The following CRISPLD2 variants were observed in gnomAD, a reference collection of about 807,000 sequenced individuals.
The protein encoded by CRISPLD2 is cysteine-rich secretory protein LCCL domain-containing 2.
CRISPLD2 carries 47 observed loss-of-function variants against 71.1 expected under a neutral mutation model. The observed-to-expected ratio is 0.66, with a 90% confidence interval of 0.52 to 0.84. The LOEUF (loss-of-function observed/expected upper bound fraction) is 0.84, where lower values mean the gene tolerates loss of function less well. CRISPLD2 is among the 40% of genes least tolerant of loss of function. CRISPLD2 has a pLI of 0.00. For missense variants in CRISPLD2, 830 were observed against 651.1 expected (o/e 1.27, Z -2.99); for synonymous variants, 317 against 250.1 (o/e 1.27, Z -2.52).
chr16:84,821,104 A>C (rs1175627638), intron 1 of CRISPLD2, among the ~76,000 whole-genome samples: 2 of 152,182 alleles, frequency 1.3e-5, no homozygotes, highest in African/African-American at 4.8e-5. Context: ...TTGCCTTGCA[A>C]CCGAGAGTGG....
At chr16:84,906,548 A>G (rs2143401371) in intron 14 of CRISPLD2, 40 bp from the exon 15 acceptor site, 1 of 1,597,544 alleles carries the variant, frequency 6.3e-7, no homozygotes. Flanking sequence ...GAGGCCCTCC[A>G]GATCTCTCAG....
intron 6 of CRISPLD2, among the ~76,000 whole-genome samples, chr16:84,855,443 G>C (rs1917211904): frequency 6.6e-6 from 1 of 152,196 alleles, no homozygotes; most frequent in South Asian, 2.1e-4. Context: ...TCCAGCACGG[G>C]AGAAAGATGG....
At chr16:84,906,351 T>C in intron 14 of CRISPLD2, among the ~76,000 whole-genome samples, 1 of 151,974 alleles carries the variant, frequency 6.6e-6, no homozygotes, top group East Asian at 1.9e-4. Flanking sequence ...GGAAATAACT[T>C]AACAGCCTTG....
At chr16:84,903,645 A>C (rs1381981262) in intron 14 of CRISPLD2, among the ~76,000 whole-genome samples, 1 of 151,960 alleles carries the variant, frequency 6.6e-6, no homozygotes, top group Non-Finnish European at 1.5e-5. Context: ...TTTGTCACAC[A>C]GTTACTAAAC....
chr16:84,891,392 C>G (rs1341967296), intron 14 of CRISPLD2, among the ~76,000 whole-genome samples: 4 of 152,158 alleles, frequency 2.6e-5, no homozygotes, highest in Non-Finnish European at 5.9e-5. Flanking sequence ...CGTGCCCATT[C>G]TTCCCGGGAC....
In CRISPLD2 at chr16:84,906,502, C is replaced by T. The variant is rs992942026; in HGVS notation, c.1440-86C>T. On this transcript the variant is annotated intron_variant, in intron 14 of 14. Transcript: ENST00000262424. ...TTCCACTACGGGAGCAAGCAGGAGG[C>T]ACCCAGGTCTCCCTGCCCACCCAGA... 30 of 1,411,004 alleles carry T rather than the reference C, an allele frequency of 2.1e-5. 1 individual carries two copies. In the African/African-American group the frequency reaches 2.7e-4, roughly 13 times the overall value. 87.4% of individuals were successfully genotyped at this position (1,411,004 alleles called of 1,614,324 possible). A position where few individuals can be genotyped will look rare whatever the true frequency, so the allele number is the denominator to read the frequency against.
intron 14 of CRISPLD2, 71 bp downstream of exon 14, chr16:84,889,434 AG>A: frequency 6.7e-7 from 1 of 1,503,510 alleles, no homozygotes; most frequent in Non-Finnish European, 9.0e-7. Context: ...GCCTGGGAAG[AG>A]GCCCAGAGTC....
chr16:84,832,004 G>T (rs1470908708), intron 1 of CRISPLD2, among the ~76,000 whole-genome samples: 1 of 152,228 alleles, frequency 6.6e-6, no homozygotes. Context: ...CAACGTTCTG[G>T]GATTGCAGGC....
Position 84,849,458 on chromosome 16 carries a change from G to A in CRISPLD2, c.433G>A (p.Glu145Lys), listed in dbSNP as rs377296604. The part of the protein sequence containing the change: ...VKDYTYPYPS[E>K]CNPWCPERCS... ...GGACTACACCTACCCCTACCCGAGC[G>A]AGTGCAACCCCTGGTGTCCAGAGAG... The change falls in exon 4 of 15, where the codon GAG becomes AAG. Residue 145 changes from glutamate (E) to lysine (K), a missense_variant. By Grantham distance (56) the Glu-to-Lys change is moderately conservative. Coordinates refer to ENST00000262424, the MANE Select transcript of CRISPLD2 (RefSeq NM_031476.4). 12 of 1,614,010 alleles carry A rather than the reference G, an allele frequency of 7.4e-6. No homozygotes were observed. Among genetic ancestry groups the A allele is most frequent in the Non-Finnish European group, 8.5e-6 (10 of 1,180,004 alleles).
chr16:84,875,379 T>C (rs571153225), intron 11 of CRISPLD2, among the ~76,000 whole-genome samples: 2 of 151,378 alleles, frequency 1.3e-5, no homozygotes, highest in South Asian at 2.1e-4. Flanking sequence ...CAACACAAAT[T>C]TGTAAACATG....
rs750861123 is a variant in CRISPLD2, at chr16:84,845,779, C to G, written c.241-7C>G. ...CCTCCTGGTGCCCGTTTCTCCTTCT[C>G]CTGCAGACCTGGGATGACGAACTGG... On this transcript the variant is annotated splice_region_variant and splice_polypyrimidine_tract_variant and intron_variant, in intron 2 of 14. Transcript: ENST00000262424. 17 of 1,603,588 alleles carry G rather than the reference C, an allele frequency of 1.1e-5. No homozygotes were observed. In the South Asian group the frequency reaches 1.7e-4, roughly 16 times the overall value.
intron 2 of CRISPLD2, among the ~76,000 whole-genome samples, chr16:84,844,618 C>T (rs923380498): frequency 2.0e-5 from 3 of 152,116 alleles, no homozygotes; most frequent in East Asian, 3.8e-4. Flanking sequence ...CCGCCTCAGC[C>T]TCGCAAAGTT....
At chr16:84,898,961 G>A (rs2071729992) in intron 14 of CRISPLD2, among the ~76,000 whole-genome samples, 1 of 152,182 alleles carries the variant, frequency 6.6e-6, no homozygotes, top group Non-Finnish European at 1.5e-5. Flanking sequence ...ACTGCAGTGA[G>A]TTGTGATTGC....
intron 13 of CRISPLD2, among the ~76,000 whole-genome samples, 183 bp from the exon 14 acceptor site, chr16:84,889,047 A>G (rs1332283972): frequency 1.3e-5 from 2 of 152,226 alleles, no homozygotes; most frequent in African/African-American, 4.8e-5. Flanking sequence ...GAATGAATGC[A>G]TGATGTCCAG....
chr16:84,833,375 G>A (rs1380430482), intron 1 of CRISPLD2, among the ~76,000 whole-genome samples: 1 of 152,156 alleles, frequency 6.6e-6, no homozygotes, highest in Non-Finnish European at 1.5e-5. Context: ...TGCAACTCTG[G>A]CAAAAGAGAA....
chr16:84,838,426 C>CTGCCCG lies in CRISPLD2; in HGVS notation c.-70_-69insTGCCCG. ...CCACCCTCTGCTTCCTTTCAGAGCT[C>CTGCCCG]AAGCGCCCAGCTCTGCCCGAGGAGC... On this transcript the variant is annotated 5_prime_UTR_variant, in exon 2 of 15. Transcript: ENST00000262424. The CTGCCCG allele has an allele frequency of 6.4e-7, 1 of 1,558,370 alleles. No homozygotes were observed. The highest frequency in any genetic ancestry group is 8.7e-7 in the Non-Finnish European group (1 of 1,150,800).
chr16:84,849,782 T>C (rs946632804), intron 4 of CRISPLD2, among the ~76,000 whole-genome samples: 7 of 20,694 alleles, frequency 3.4e-4, no homozygotes, highest in African/African-American at 5.6e-4. Flanking sequence ...GGCATGATCT[T>C]AGTTAGCTTA....
intron 14 of CRISPLD2, among the ~76,000 whole-genome samples, chr16:84,903,218 T>G (rs1379411566): frequency 6.6e-6 from 1 of 152,104 alleles, no homozygotes; most frequent in African/African-American, 2.4e-5. Flanking sequence ...CTTCCGGGTC[T>G]CCTCTCCAGC....
chr16:84,841,730 G>T (rs908711146), intron 2 of CRISPLD2, among the ~76,000 whole-genome samples: 3 of 151,952 alleles, frequency 2.0e-5, no homozygotes, highest in African/African-American at 7.3e-5. Flanking sequence ...CAAGTAGTTG[G>T]GATTATAGGT....
Sources: allele counts gnomAD v4.1 joint callset (sites outside exome capture counted in the v4.1 genomes callset), GRCh38; gene constraint gnomAD v4.1.1; transcripts MANE v1.5; gene names NCBI Gene and HGNC (gene_info 2026-07-23, HGNC 2026-07-21).